The following PARD3B variants were observed in gnomAD, a reference collection of about 807,000 sequenced individuals.
PARD3B encodes partitioning defective 3 homolog B.
A neutral mutation model predicts 130.2 loss-of-function variants in PARD3B; 103 were observed. The ratio of observed to expected loss-of-function variants is 0.79; its 90% CI spans 0.67 to 0.93. The LOEUF (loss-of-function observed/expected upper bound fraction) is 0.93, where lower values mean the gene tolerates loss of function less well. PARD3B is among the 40% of genes least tolerant of loss of function. The pLI, the probability that PARD3B is intolerant of heterozygous loss-of-function variation, is 0.00. For missense variants in PARD3B, 1,609 were observed against 1,499.2 expected, an observed-to-expected ratio of 1.07 and a Z score of -1.21; for synonymous variants, 583 against 553.2, an observed-to-expected ratio of 1.05 and a Z score of -0.76.
intron 2 of PARD3B, among the ~76,000 whole-genome samples, chr2:204,826,148 TA>T (rs889322952): frequency 1.3e-5 from 2 of 152,200 alleles, no homozygotes; most frequent in African/African-American, 4.8e-5. Flanking sequence ...AGTCTTATAA[TA>T]ACCTTGAAAA....
At chr2:204,981,456 G>T (rs1692660057) in intron 3 of PARD3B, among the ~76,000 whole-genome samples, 1 of 152,156 alleles carries the variant, frequency 6.6e-6, no homozygotes, top group Non-Finnish European at 1.5e-5. Flanking sequence ...GGTGTAAGGA[G>T]TTAATTCCCT....
intron 16 of PARD3B, among the ~76,000 whole-genome samples, chr2:205,266,571 A>C (rs1186547765): frequency 6.6e-6 from 1 of 152,074 alleles, no homozygotes; most frequent in Non-Finnish European, 1.5e-5. Flanking sequence ...AGAACACTGA[A>C]AGTACTCAGT....
At chr2:205,306,353 TATC>T (rs1401070506) in intron 18 of PARD3B, among the ~76,000 whole-genome samples, 1 of 152,092 alleles carries the variant, frequency 6.6e-6, no homozygotes, top group Admixed American at 6.5e-5. Flanking sequence ...ACTTTTATGA[TATC>T]ATAGTAATGT....
intron 22 of PARD3B, among the ~76,000 whole-genome samples, chr2:205,555,713 A>ATTAGTTGCATGTGCAAACAGACC (rs988413656): frequency 1.3e-5 from 2 of 152,244 alleles, no homozygotes; most frequent in African/African-American, 4.8e-5. Context: ...GGTAAGAGCA[A>ATTAGTTGCATGTGCAAACAGACC]TTAGTTGCAT....
At position 204,678,473 on chromosome 2, in the gene PARD3B, G is replaced by T. The variant is rs1415743445; in HGVS notation, c.121-7708G>T. ...GGACTTGAAGGATGTTGAATGCAGAGGTTTTATTGACTGATGGAGGTGGCT... is the reference window on the plus strand; with the variant it reads ...GGACTTGAAGGATGTTGAATGCAGATGTTTTATTGACTGATGGAGGTGGCT... On this transcript the variant is annotated intron_variant, in intron 1 of 22. Transcript: ENST00000406610. This position sits in a 1 kb window ranked among gnomAD's most constrained non-coding sequence, Gnocchi z 4.2. 6.6e-6 allele frequency among the ~76,000 whole-genome samples: 1 copy of T among 152,132 alleles called. No homozygotes were observed. The highest frequency in any genetic ancestry group is 1.5e-5 in the Non-Finnish European group (1 of 68,024).
intron 3 of PARD3B, among the ~76,000 whole-genome samples, chr2:205,044,657 T>G (rs939757750): frequency 6.6e-6 from 1 of 152,182 alleles, no homozygotes; most frequent in Non-Finnish European, 1.5e-5. Context: ...GGGGTTGTTT[T>G]TTTCTTGTAA....
At chr2:204,547,515 A>G (rs2125038332) in intron 1 of PARD3B, among the ~76,000 whole-genome samples, 1 of 152,352 alleles carries the variant, frequency 6.6e-6, no homozygotes, top group East Asian at 1.9e-4. Context: ...TTGTTAAAAT[A>G]GTGTTTGCTG....
intron 15 of PARD3B, among the ~76,000 whole-genome samples, chr2:205,196,957 C>T (rs1164675866): frequency 1.3e-5 from 2 of 151,354 alleles, no homozygotes; most frequent in African/African-American, 4.8e-5. Flanking sequence ...TACTCATTCT[C>T]CTGCATGGAC....
intron 4 of PARD3B, among the ~76,000 whole-genome samples, chr2:205,065,848 G>A (rs1179652383): frequency 1.3e-5 from 2 of 152,044 alleles, no homozygotes; most frequent in Admixed American, 6.6e-5. Context: ...TTTGCAGCCT[G>A]CAGAACCACA....
intron 1 of PARD3B, among the ~76,000 whole-genome samples, chr2:204,551,631 G>A (rs186912880): frequency 2.3e-3 from 353 of 152,060 alleles, no homozygotes; most frequent in Middle Eastern, 6.8e-3. Context: ...TTGCTGAACC[G>A]GGTTTGGCTG....
chr2:205,555,298 C>T (rs561304748), intron 22 of PARD3B, among the ~76,000 whole-genome samples: 100 of 152,108 alleles, frequency 6.6e-4, no homozygotes, highest in Non-Finnish European at 1.3e-3. Context: ...TGGTGATCAC[C>T]TAGTATGTAC....
chr2:204,732,544 G>A (rs1466719092), intron 2 of PARD3B, among the ~76,000 whole-genome samples: 11 of 146,110 alleles, frequency 7.5e-5, no homozygotes, highest in South Asian at 2.1e-4. Context: ...TCGCTCTGTC[G>A]CCCAGGCTGG....
In PARD3B at chr2:205,060,343, G is replaced by T. The variant is rs768210888; in HGVS notation, c.504+12653G>T. 1.9e-4 allele frequency among the ~76,000 whole-genome samples: 29 copies of T among 152,102 alleles called. 1 individual carries two copies. The highest frequency in any genetic ancestry group is 3.7e-4 in the Non-Finnish European group (25 of 67,996). ...CTGTTTACACAATTTAGATACCTCT[G>T]TGAAGGAGAAAATTTTTCCACCACA... is the stretch of plus-strand genomic sequence containing the variant. On this transcript the variant is annotated intron_variant, in intron 4 of 22. Transcript: ENST00000406610.
At chr2:204,680,873 C>T (rs113914707) in intron 1 of PARD3B, among the ~76,000 whole-genome samples, 416 of 152,154 alleles carry the variant, frequency 2.7e-3, no homozygotes, top group African/African-American at 9.2e-3. Context: ...AAATTTGGTA[C>T]ACGTTCCATG....
At position 204,907,775 on chromosome 2, in the gene PARD3B, C is replaced by CA. The variant is rs1249859998; in HGVS notation, c.223-57376dup. Among the ~76,000 whole-genome samples, 1 of 152,096 alleles carries CA rather than the reference C, an allele frequency of 6.6e-6. No individual in the cohort carries two copies. The highest frequency in any genetic ancestry group is 1.5e-5 in the Non-Finnish European group (1 of 68,030). On this transcript the variant is annotated intron_variant, in intron 2 of 22. Transcript: ENST00000406610. The surrounding 1 kb of genome is among the most constrained non-coding windows in gnomAD (Gnocchi z 5.7). ...AGAGTACAGTGTTGCAATCTTGGCT[C>CA]ACTGCAACCTCCGCCTCCCAGGGTC...
intron 19 of PARD3B, among the ~76,000 whole-genome samples, chr2:205,408,309 A>G (rs1321842828): frequency 6.6e-6 from 1 of 152,212 alleles, no homozygotes; most frequent in Non-Finnish European, 1.5e-5. Context: ...TCTTAGAGAT[A>G]TAAAAACATT....
chr2:205,262,337 C>T (rs1382497499), intron 16 of PARD3B, among the ~76,000 whole-genome samples: 1 of 152,068 alleles, frequency 6.6e-6, no homozygotes, highest in Non-Finnish European at 1.5e-5. Flanking sequence ...CTGAAGATAT[C>T]AGTAGGCTTT....
At chr2:204,735,212 C>A (rs943790965) in intron 2 of PARD3B, among the ~76,000 whole-genome samples, 1 of 152,020 alleles carries the variant, frequency 6.6e-6, no homozygotes, top group African/African-American at 2.4e-5. Flanking sequence ...TAATACCCAT[C>A]ATTTCCATCA....
chr2:204,651,214 C>G (rs1219384310), intron 1 of PARD3B, among the ~76,000 whole-genome samples: 1 of 152,196 alleles, frequency 6.6e-6, no homozygotes, highest in East Asian at 1.9e-4. Flanking sequence ...AGTCCAAAGT[C>G]TCATCAGAGA....
Sources: allele counts gnomAD v4.1 joint callset (sites outside exome capture counted in the v4.1 genomes callset), GRCh38; gene constraint gnomAD v4.1.1; non-coding constraint Gnocchi (gnomAD v3.1); transcripts MANE v1.5; gene names NCBI Gene and HGNC (gene_info 2026-07-23, HGNC 2026-07-21).